Variants in MEIS2 observed in about 807,000 individuals in gnomAD.
MEIS2 encodes the protein homeobox protein Meis2.
In MEIS2, 9 loss-of-function variants were observed where a neutral mutation model predicts 58.6. That is an observed-to-expected ratio of 0.15 (90% CI 0.09 to 0.27). The LOEUF (loss-of-function observed/expected upper bound fraction) is 0.27, where lower values mean the gene tolerates loss of function less well. Among genes scored for constraint, MEIS2 ranks in the 10% least tolerant of loss-of-function variants. MEIS2 has a pLI of 1.00. For synonymous variants in MEIS2, 221 were observed against 228.4 expected, an observed-to-expected ratio of 0.97 and a Z score of 0.29; for missense variants, 427 against 635.0, an observed-to-expected ratio of 0.67 and a Z score of 3.52.
chr15:36,921,280 CA>C lies in MEIS2; in HGVS notation c.978-24595del, dbSNP rs763752064. ...CTGAGGATTACATCAATCACAGGACCAAAAGAAGCAGCATGGAAAAGAAAAT... is the reference window on the plus strand; with the variant it reads ...CTGAGGATTACATCAATCACAGGACCAAAGAAGCAGCATGGAAAAGAAAAT... On this transcript the variant is annotated intron_variant, in intron 9 of 11. Transcript: ENST00000561208. Among the ~76,000 whole-genome samples, 33 of 152,092 alleles carry C rather than the reference CA, an allele frequency of 2.2e-4. 2 individuals are homozygous for C. In the Middle Eastern group the frequency reaches 0.031, roughly 141 times the overall value.
intron 7 of MEIS2, among the ~76,000 whole-genome samples, chr15:37,068,659 C>T (rs2141865086): frequency 6.6e-6 from 1 of 152,278 alleles, no homozygotes; most frequent in South Asian, 2.1e-4. Context: ...TTTTCCTTAC[C>T]TCCTACTGGC....
At chr15:36,998,934 A>G (rs905417644) in intron 8 of MEIS2, among the ~76,000 whole-genome samples, 1 of 152,208 alleles carries the variant, frequency 6.6e-6, no homozygotes, top group East Asian at 1.9e-4. Flanking sequence ...TTCTAACTAT[A>G]CATGACTAGT....
intron 8 of MEIS2, among the ~76,000 whole-genome samples, chr15:36,992,977 T>A (rs961143160): frequency 6.6e-6 from 1 of 152,148 alleles, no homozygotes; most frequent in Non-Finnish European, 1.5e-5. Flanking sequence ...TGAGTCTTCC[T>A]AATGGAGAAC....
At chr15:36,962,642 C>A (rs554099137) in intron 8 of MEIS2, among the ~76,000 whole-genome samples, 3 of 152,026 alleles carry the variant, frequency 2.0e-5, no homozygotes, top group Admixed American at 2.0e-4. Flanking sequence ...ACATAAAGGT[C>A]CGACTGTAGC....
chr15:37,023,898 T>G (rs2061607151), intron 8 of MEIS2, among the ~76,000 whole-genome samples: 1 of 140,884 alleles, frequency 7.1e-6, no homozygotes, highest in South Asian at 2.4e-4. Flanking sequence ...TTCACTGGCC[T>G]CCTTTTCTCT....
chr15:36,991,489 G>A (rs1198729122), intron 8 of MEIS2, among the ~76,000 whole-genome samples: 2 of 152,110 alleles, frequency 1.3e-5, no homozygotes, highest in Non-Finnish European at 2.9e-5. Context: ...ACAAATGAGA[G>A]CTTATTTCTC....
At chr15:36,911,225 G>C (rs1052800407) in intron 9 of MEIS2, among the ~76,000 whole-genome samples, 3 of 151,814 alleles carry the variant, frequency 2.0e-5, no homozygotes, top group African/African-American at 4.8e-5. Context: ...TAAAATGTCT[G>C]CTTCAAAATA....
chr15:37,033,352 C>A (rs1437500593), intron 8 of MEIS2, among the ~76,000 whole-genome samples: 1 of 152,098 alleles, frequency 6.6e-6, no homozygotes, highest in Non-Finnish European at 1.5e-5. Flanking sequence ...ATTCAGGGGG[C>A]AAAGCCTTGG....
At chr15:37,058,951 G>A (rs1888817997) in intron 7 of MEIS2, among the ~76,000 whole-genome samples, 1 of 151,634 alleles carries the variant, frequency 6.6e-6, no homozygotes, top group South Asian at 2.1e-4. Flanking sequence ...AGAAAAAAAT[G>A]ATCTAAAAGA....
chr15:36,926,720 C>A (rs2057763487), intron 9 of MEIS2, among the ~76,000 whole-genome samples: 1 of 152,186 alleles, frequency 6.6e-6, no homozygotes, highest in Non-Finnish European at 1.5e-5. Flanking sequence ...TATTGCTTTC[C>A]TACTTTTGCA....
chr15:37,017,274 G>T (rs537408075), intron 8 of MEIS2, among the ~76,000 whole-genome samples: 1 of 152,182 alleles, frequency 6.6e-6, no homozygotes, highest in Non-Finnish European at 1.5e-5. Flanking sequence ...TAAAGGAGAC[G>T]AAATGGCTAT....
At chr15:36,917,067 TAGG>T (rs2057312320) in intron 9 of MEIS2, among the ~76,000 whole-genome samples, 1 of 152,160 alleles carries the variant, frequency 6.6e-6, no homozygotes, top group Non-Finnish European at 1.5e-5. Flanking sequence ...TAGGAATATT[TAGG>T]GTTGTTTTTC....
intron 8 of MEIS2, among the ~76,000 whole-genome samples, chr15:37,016,975 T>G (rs1187924354): frequency 6.6e-6 from 1 of 152,268 alleles, no homozygotes; most frequent in Non-Finnish European, 1.5e-5. Flanking sequence ...CTGTTTAATT[T>G]TTTAGCATAT....
chr15:36,898,551 C>T (rs1402836664), intron 9 of MEIS2: 1 of 151,878 alleles, frequency 6.6e-6, no homozygotes, highest in Non-Finnish European at 1.5e-5. Flanking sequence ...AAACGAATTG[C>T]TATTTTTTTC....
intron 8 of MEIS2, among the ~76,000 whole-genome samples, chr15:36,954,531 A>C (rs1365003380): frequency 1.3e-5 from 2 of 150,552 alleles, no homozygotes; most frequent in African/African-American, 2.4e-5. Context: ...TATCTTTAAG[A>C]AACTATAGTC....
chr15:36,909,454 G>C (rs538743575), intron 9 of MEIS2, among the ~76,000 whole-genome samples: 8 of 152,256 alleles, frequency 5.3e-5, no homozygotes, highest in African/African-American at 1.7e-4. Context: ...TTAGAATTGA[G>C]AATAAAAGAG....
intron 8 of MEIS2, among the ~76,000 whole-genome samples, chr15:36,987,013 G>A (rs2060114301): frequency 1.3e-5 from 2 of 152,128 alleles, no homozygotes; most frequent in Non-Finnish European, 2.9e-5. Context: ...GGTAAAGTGT[G>A]TACCCCAAGA....
intron 7 of MEIS2, among the ~76,000 whole-genome samples, chr15:37,070,933 C>T (rs368394778): frequency 1.3e-5 from 2 of 152,096 alleles, no homozygotes; most frequent in African/African-American, 4.8e-5. Flanking sequence ...GTCTTTCAAA[C>T]AGGCCGTATT....
At chr15:37,042,955 T>C (rs1434312733) in intron 7 of MEIS2, among the ~76,000 whole-genome samples, 2 of 152,212 alleles carry the variant, frequency 1.3e-5, no homozygotes, top group Non-Finnish European at 2.9e-5. Flanking sequence ...TGCAGTACTA[T>C]TAAAAACTTC....
Sources: allele counts gnomAD v4.1 joint callset (sites outside exome capture counted in the v4.1 genomes callset), GRCh38; gene constraint gnomAD v4.1.1; transcripts MANE v1.5; gene names NCBI Gene and HGNC (gene_info 2026-07-23, HGNC 2026-07-21).